Variants in VAV2 observed in about 807,000 individuals in gnomAD.
VAV2 encodes the protein vav guanine nucleotide exchange factor 2.
In VAV2, 67 loss-of-function variants were observed where a neutral mutation model predicts 132.5. The ratio of observed to expected loss-of-function variants is 0.51; its 90% confidence interval spans 0.42 to 0.62. The LOEUF (loss-of-function observed/expected upper bound fraction) is 0.62. Among genes scored for constraint, VAV2 ranks in the 20% least tolerant of loss-of-function variants. VAV2 has a pLI of 0.00. For missense variants in VAV2, 938 were observed against 1,153.6 expected (o/e 0.81, Z 2.71); for synonymous variants, 492 against 443.5 (o/e 1.11, Z -1.37).
intron 1 of VAV2, among the ~76,000 whole-genome samples, chr9:133,975,837 G>C (rs559618669): frequency 8.4e-4 from 128 of 152,222 alleles, no homozygotes; most frequent in Non-Finnish European, 1.6e-3. Flanking sequence ...AGGAGAGAGG[G>C]ACCCAGGAAG....
At chr9:133,955,044 C>T (rs1841706240) in intron 1 of VAV2, among the ~76,000 whole-genome samples, 1 of 152,008 alleles carries the variant, frequency 6.6e-6, no homozygotes, top group Admixed American at 6.5e-5. Context: ...ACTCCTTCCT[C>T]CGGCTACCCC....
intron 2 of VAV2, among the ~76,000 whole-genome samples, chr9:133,905,562 G>A (rs1839619825): frequency 6.6e-6 from 1 of 152,120 alleles, no homozygotes; most frequent in Non-Finnish European, 1.5e-5. Flanking sequence ...AGCTGCCTAG[G>A]CCCTGCCGAC....
chr9:133,775,236 T>C (rs1474351421), intron 24 of VAV2, among the ~76,000 whole-genome samples, 185 bp from the exon 25 acceptor site: 2 of 152,272 alleles, frequency 1.3e-5, no homozygotes, highest in Admixed American at 1.3e-4. Flanking sequence ...GGATGGGGTC[T>C]GGCATCTGAC....
In VAV2 at chr9:133,834,300, C is replaced by A; in HGVS notation, c.421G>T (p.Val141Phe). The A allele has an allele frequency of 6.2e-7, 1 of 1,612,592 alleles. No homozygotes were observed. Among genetic ancestry groups the A allele is most frequent in the Non-Finnish European group, 8.5e-7 (1 of 1,179,440 alleles). The change falls in exon 4 of 30, where the codon GTC becomes TTC. Residue 141 changes from valine to phenylalanine, a missense_variant. Val to Phe is a conservative substitution (Grantham distance 50). Transcript: ENST00000371850. The surrounding 1 kb of genome is among the most constrained non-coding windows in gnomAD (Gnocchi z 5.9). ...SEETTENDDD[V>F]YRSLEELADE... ...GCCAGCTCCTCCAGGCTGCGGTAGA[C>A]GTCATCGTCATTCTCTGTGGTCTCC... is the stretch of plus-strand genomic sequence containing the variant.
In VAV2 at chr9:133,847,170, C is replaced by T. The variant is rs146594513; in HGVS notation, c.381-12830G>A. Among the ~76,000 whole-genome samples the T allele has an allele frequency of 6.4e-4, 97 of 152,332 alleles. 2 individuals are homozygous for T. In the East Asian group the frequency reaches 0.018, roughly 29 times the overall value. On this transcript the variant is annotated intron_variant, in intron 3 of 29. Transcript: ENST00000371850. ...CCTGGGATACCTGTTCCATCCAAAC[C>T]CTCCCTGCTCCCAAAATGCCAGATC...
At chr9:133,878,709 G>A (rs1380593578) in intron 2 of VAV2, among the ~76,000 whole-genome samples, 2 of 152,200 alleles carry the variant, frequency 1.3e-5, no homozygotes, top group East Asian at 3.9e-4. Context: ...AGTCACAACC[G>A]CAGGGGGATC....
At position 133,912,712 on chromosome 9, in the gene VAV2, G is replaced by C. The variant is rs552875413; in HGVS notation, c.321+26391C>G. Among the ~76,000 whole-genome samples the C allele has an allele frequency of 6.6e-6, 1 of 152,282 alleles. No individual in the cohort carries two copies. The highest frequency in any genetic ancestry group is 1.5e-5 in the Non-Finnish European group (1 of 68,014). The stretch of plus-strand genomic sequence containing the variant: ...ATCCTCAGGGGCTGCAGTCACCGGT[G>C]GTTGACTATTAGGGGGGATAGTTGT... On this transcript the variant is annotated intron_variant, in intron 2 of 29. Transcript: ENST00000371850. The surrounding 1 kb of genome is among the most constrained non-coding windows in gnomAD (Gnocchi z 4.3).
At chr9:133,889,014 T>G (rs2486353) in intron 2 of VAV2, among the ~76,000 whole-genome samples, 2 of 152,002 alleles carry the variant, frequency 1.3e-5, no homozygotes, top group Non-Finnish European at 2.9e-5. Context: ...TCCCCGTCCC[T>G]GGGGAAGCCT....
chr9:133,880,328 C>A (rs183212693), intron 2 of VAV2, among the ~76,000 whole-genome samples: 155 of 152,274 alleles, frequency 1.0e-3, no homozygotes, highest in African/African-American at 3.3e-3. Flanking sequence ...CTGAACCAGG[C>A]AGGTGGTGAG....
chr9:133,841,140 G>A (rs540013313), intron 3 of VAV2, among the ~76,000 whole-genome samples: 7 of 152,210 alleles, frequency 4.6e-5, no homozygotes, highest in South Asian at 2.1e-4. Context: ...GGACGAGCCC[G>A]GACAGCTCAC....
intron 9 of VAV2, among the ~76,000 whole-genome samples, chr9:133,799,282 G>T (rs1834839760): frequency 6.6e-6 from 1 of 152,226 alleles, no homozygotes; most frequent in East Asian, 1.9e-4. Context: ...ATGCTCATGA[G>T]GCTGTCCTCA....
In VAV2 at chr9:133,834,143, G is replaced by A. The variant is rs556933441; in HGVS notation, c.449+129C>T. Reference sequence around the variant, plus strand: ...ATGACCCATCATGAGGAGATGCCCCGGTGGGAAGGGCCAGGGCCAGCTCTG... The same window carrying A: ...ATGACCCATCATGAGGAGATGCCCCAGTGGGAAGGGCCAGGGCCAGCTCTG... On this transcript the variant is annotated intron_variant, in intron 4 of 29. Transcript: ENST00000371850. The surrounding 1 kb of genome is among the most constrained non-coding windows in gnomAD (Gnocchi z 5.9). 2.2e-4 allele frequency: 225 copies of A among 1,036,156 alleles called. No individual in the cohort carries two copies. In the East Asian group the frequency reaches 4.4e-3, roughly 20 times the overall value. 64.2% of individuals were successfully genotyped at this position (1,036,156 alleles called of 1,614,324 possible).
In VAV2 at chr9:133,762,446, C is replaced by T. The variant is rs1478069470; in HGVS notation, c.*1616G>A. 6.6e-6 allele frequency: 1 copy of T among 152,326 alleles called. No individual in the cohort carries two copies. Among genetic ancestry groups the T allele is most frequent in the Non-Finnish European group, 1.5e-5 (1 of 68,046 alleles). 9.4% of individuals were successfully genotyped at this position (152,326 alleles called of 1,614,324 possible). A position where few individuals can be genotyped will look rare whatever the true frequency, so the allele number is the denominator to read the frequency against. On this transcript the variant is annotated 3_prime_UTR_variant, in exon 30 of 30. Coordinates refer to ENST00000371850, the MANE Select transcript of VAV2 (RefSeq NM_001134398.2). The surrounding 1 kb of genome is among the most constrained non-coding windows in gnomAD (Gnocchi z 5.0). ...CAAAACAAAAACCCCAAAACCAAAA[C>T]ACAAGACCTTTCTGACGACAGTAAA...
intron 4 of VAV2, among the ~76,000 whole-genome samples, chr9:133,815,819 T>G (rs974096679): frequency 5.9e-5 from 9 of 152,014 alleles, no homozygotes; most frequent in Non-Finnish European, 1.0e-4. Flanking sequence ...GGGTGGGGGG[T>G]TACACAGGCT....
chr9:133,943,499 C>T (rs924246812), intron 1 of VAV2, among the ~76,000 whole-genome samples: 1 of 152,210 alleles, frequency 6.6e-6, no homozygotes, highest in South Asian at 2.1e-4. Context: ...ACCTGGCCTT[C>T]GGGACCCCCC....
intron 9 of VAV2, among the ~76,000 whole-genome samples, chr9:133,798,928 C>A: frequency 6.6e-6 from 1 of 152,318 alleles, no homozygotes; most frequent in Middle Eastern, 3.4e-3. Flanking sequence ...TCTGGAGGCT[C>A]CCCTGGCCCG....
intron 2 of VAV2, among the ~76,000 whole-genome samples, chr9:133,913,394 GAGA>G (rs968132559): frequency 2.0e-5 from 3 of 152,216 alleles, no homozygotes; most frequent in Non-Finnish European, 4.4e-5. Context: ...CTACACCAGC[GAGA>G]AGAAGAAACC....
rs1840174568 is a variant in VAV2, at chr9:133,918,322, G to C, written c.321+20781C>G. Among the ~76,000 whole-genome samples the C allele has an allele frequency of 6.7e-6, 1 of 149,442 alleles. No homozygotes were observed. The highest frequency in any genetic ancestry group is 2.0e-4 in the East Asian group (1 of 4,934). On this transcript the variant is annotated intron_variant, in intron 2 of 29. Coordinates refer to ENST00000371850, the MANE Select transcript of VAV2 (RefSeq NM_001134398.2). This position sits in a 1 kb window ranked among gnomAD's most constrained non-coding sequence, Gnocchi z 4.7. Reference sequence around the variant, plus strand: ...AACCAGAGAGCAGGAAGGCGGCGCTGGCTCCGAGCCTTGTGTCTGCATTTC... The same window carrying C: ...AACCAGAGAGCAGGAAGGCGGCGCTCGCTCCGAGCCTTGTGTCTGCATTTC...
At chr9:133,985,226 TTGTGTGTGTGTGTGTGTGTGTGTG>T (rs59748267) in intron 1 of VAV2, among the ~76,000 whole-genome samples, 9 of 137,154 alleles carry the variant, frequency 6.6e-5, no homozygotes, top group African/African-American at 2.5e-4. Context: ...TCTTGCCTTA[TTGTGTGTGTGTGTGTGTGTGTGTG>T]TGTGTGTGTG....
Sources: gnomAD v4.1 joint callset for allele counts (sites outside exome capture counted in the v4.1 genomes callset) on GRCh38, gnomAD v4.1.1 for gene constraint, Gnocchi (gnomAD v3.1) non-coding constraint, MANE v1.5 for transcripts, NCBI Gene and HGNC (gene_info 2026-07-23, HGNC 2026-07-21) for gene names.